The following CTDSP2 variants were observed in gnomAD, a reference collection of about 807,000 sequenced individuals.
CTDSP2 encodes carboxy-terminal domain RNA polymerase II polypeptide A small phosphatase 2.
CTDSP2 carries 9 observed loss-of-function variants against 31.6 expected under a neutral mutation model. The ratio of observed to expected loss-of-function variants is 0.28; its 90% CI spans 0.17 to 0.50. The LOEUF (loss-of-function observed/expected upper bound fraction) is 0.50. CTDSP2 is among the 20% of genes least tolerant of loss of function. CTDSP2 has a pLI of 0.98. For synonymous variants in CTDSP2, 134 were observed against 134.5 expected, an observed-to-expected ratio of 1.00 and a Z score of 0.03; for missense variants, 267 against 348.5, an observed-to-expected ratio of 0.77 and a Z score of 1.86.
chr12:57,833,319 A>C (rs1275548724), intron 1 of CTDSP2, among the ~76,000 whole-genome samples: 1 of 152,184 alleles, frequency 6.6e-6, no homozygotes, highest in Non-Finnish European at 1.5e-5. Context: ...GGTCTTCTCA[A>C]AAACCCAATG....
Position 57,823,268 on chromosome 12 carries a change from G to A in CTDSP2, c.*334C>T, listed in dbSNP as rs1956159370. On this transcript the variant is annotated 3_prime_UTR_variant, in exon 8 of 8. Coordinates refer to ENST00000398073, the MANE Select transcript of CTDSP2 (RefSeq NM_005730.4). ...CTTAGGGTGACAGGAGAGGAGACAA[G>A]CTAACTTGGGAAGAGTCTTGGTCTT... is the stretch of plus-strand genomic sequence containing the variant. 3 of 346,110 alleles carry A rather than the reference G, an allele frequency of 8.7e-6. No individual in the cohort carries two copies. The highest frequency in any genetic ancestry group is 1.7e-5 in the Non-Finnish European group (3 of 179,666). The allele number at this position is 346,110 out of a possible 1,614,324, so 21.4% of individuals were successfully genotyped here. A position where few individuals can be genotyped will look rare whatever the true frequency, so the allele number is the denominator to read the frequency against.
intron 1 of CTDSP2, among the ~76,000 whole-genome samples, chr12:57,832,210 T>G (rs372645989): frequency 6.6e-6 from 1 of 152,218 alleles, no homozygotes; most frequent in Non-Finnish European, 1.5e-5. Flanking sequence ...TGGAAACTTT[T>G]TAGAAAATGA....
chr12:57,836,132 A>C (rs1285583073), intron 1 of CTDSP2, among the ~76,000 whole-genome samples: 1 of 152,188 alleles, frequency 6.6e-6, no homozygotes, highest in African/African-American at 2.4e-5. Flanking sequence ...CAAGAAGATG[A>C]GGGAAAGGTG....
rs1595188561 is a variant in CTDSP2 at position 57,827,589 on chromosome 12, G to A, written c.215C>T (p.Ser72Leu). 6 of 1,613,922 alleles carry A rather than the reference G, an allele frequency of 3.7e-6. No homozygotes were observed. The highest frequency in any genetic ancestry group is 2.2e-5 in the South Asian group (2 of 91,036). ...GTACTGGAGACACTGGAGCAGATCC[G>A]ACTGAGGAAGAGAAGGAGGTGGTCA... The part of the protein sequence containing the change: ...YKEEANTIAK[S>L]DLLQCLQYQF... Residue 72 changes from serine to leucine, a missense_variant and splice_region_variant, in exon 3 of 8, where the codon TCG (serine) becomes TTG (leucine). Transcript: ENST00000398073.
At position 57,846,520 on chromosome 12, in the gene CTDSP2, G is replaced by T; in HGVS notation, c.-85C>A. Reference sequence around the variant, plus strand: ...GCTGGGCTGGGGGGCCTGGGCGGGGGCCCGCTCCGGCTCCCGAGACTCCGA... The same window carrying T: ...GCTGGGCTGGGGGGCCTGGGCGGGGTCCCGCTCCGGCTCCCGAGACTCCGA... On this transcript the variant is annotated 5_prime_UTR_variant, in exon 1 of 8. Transcript: ENST00000398073. The T allele has an allele frequency of 9.2e-7, 1 of 1,091,256 alleles. No homozygotes were observed. The highest frequency in any genetic ancestry group is 1.2e-6 in the Non-Finnish European group (1 of 802,102). 67.6% of individuals were successfully genotyped at this position (1,091,256 alleles called of 1,614,324 possible).
intron 1 of CTDSP2, among the ~76,000 whole-genome samples, chr12:57,833,787 G>A (rs555710925): frequency 6.6e-6 from 1 of 152,228 alleles, no homozygotes; most frequent in East Asian, 1.9e-4. Context: ...TGTGAGGAGA[G>A]GAAGGTGAGC....
At chr12:57,838,243 T>C (rs1383422564) in intron 1 of CTDSP2, among the ~76,000 whole-genome samples, 1 of 152,050 alleles carries the variant, frequency 6.6e-6, no homozygotes, top group African/African-American at 2.4e-5. Flanking sequence ...TTGAGGGATG[T>C]CAGGAAGTGA....
At chr12:57,829,323 C>G (rs1721963448) in intron 2 of CTDSP2, 125 bp downstream of exon 2, 2 of 1,083,054 alleles carry the variant, frequency 1.8e-6, no homozygotes, top group Admixed American at 2.0e-5. Context: ...GGAGGAAGGG[C>G]CCCCTCTCAG....
chr12:57,833,064 C>A (rs1210436039), intron 1 of CTDSP2, among the ~76,000 whole-genome samples: 5 of 152,172 alleles, frequency 3.3e-5, no homozygotes, highest in Admixed American at 2.0e-4. Flanking sequence ...TTAACCCGGG[C>A]ACAGAGTCTT....
At chr12:57,844,116 A>G (rs1240070371) in intron 1 of CTDSP2, among the ~76,000 whole-genome samples, 3 of 152,100 alleles carry the variant, frequency 2.0e-5, no homozygotes, top group African/African-American at 7.2e-5. Flanking sequence ...AATTGCTTGA[A>G]TTTAGGAGGC....
chr12:57,837,813 A>G (rs1045942832), intron 1 of CTDSP2, among the ~76,000 whole-genome samples: 3 of 152,126 alleles, frequency 2.0e-5, no homozygotes, highest in Non-Finnish European at 4.4e-5. Flanking sequence ...GGGCAGCTCT[A>G]CCTAAGCCAG....
intron 1 of CTDSP2, among the ~76,000 whole-genome samples, chr12:57,844,938 T>C (rs1242681437): frequency 7.6e-6 from 1 of 132,440 alleles, no homozygotes; most frequent in African/African-American, 2.8e-5. Context: ...CTCGTTCCAC[T>C]GAGGGAATTT....
chr12:57,824,340 C>T, intron 5 of CTDSP2, 21 bp from the exon 6 acceptor site: 1 of 1,567,230 alleles, frequency 6.4e-7, no homozygotes, highest in South Asian at 1.1e-5. Flanking sequence ...GCAGAGCAGC[C>T]TGTTGGAGGC....
At chr12:57,825,274 G>A (rs1283958387) in intron 5 of CTDSP2, among the ~76,000 whole-genome samples, 1 of 152,164 alleles carries the variant, frequency 6.6e-6, no homozygotes, top group Non-Finnish European at 1.5e-5. Flanking sequence ...GAGCTCTGCA[G>A]GAACCCTCTG....
At chr12:57,829,319 A>C in intron 2 of CTDSP2, 129 bp downstream of exon 2, 4 of 1,012,084 alleles carry the variant, frequency 4.0e-6, no homozygotes, top group Non-Finnish European at 6.0e-6. Flanking sequence ...GGATGGAGGA[A>C]GGGCCCCCTC....
intron 1 of CTDSP2, among the ~76,000 whole-genome samples, chr12:57,843,868 G>A (rs1049299430): frequency 4.6e-5 from 7 of 152,226 alleles, no homozygotes; most frequent in African/African-American, 1.7e-4. Flanking sequence ...AAGCAGCCCA[G>A]GAAGAAAGTC....
At chr12:57,834,584 A>T (rs1956235484) in intron 1 of CTDSP2, among the ~76,000 whole-genome samples, 1 of 152,190 alleles carries the variant, frequency 6.6e-6, no homozygotes, top group African/African-American at 2.4e-5. Context: ...CAAGACCTGC[A>T]TTGTTCCTTG....
intron 1 of CTDSP2, 127 bp downstream of exon 1, chr12:57,846,245 G>T: frequency 1.2e-6 from 1 of 806,854 alleles, no homozygotes; most frequent in South Asian, 1.8e-5. Context: ...GGATGGACCG[G>T]AGGGGTCCAG....
intron 1 of CTDSP2, among the ~76,000 whole-genome samples, chr12:57,838,302 A>C (rs1387609262): frequency 6.6e-6 from 1 of 152,198 alleles, no homozygotes; most frequent in Non-Finnish European, 1.5e-5. Flanking sequence ...GCCATCCAAG[A>C]AAACTCAAAG....
Sources: allele counts gnomAD v4.1 joint callset (sites outside exome capture counted in the v4.1 genomes callset), GRCh38; gene constraint gnomAD v4.1.1; transcripts MANE v1.5; gene names NCBI Gene and HGNC (gene_info 2026-07-23, HGNC 2026-07-21).